ABCG2: variants seen among roughly 807,000 people sequenced by gnomAD.
The protein encoded by ABCG2 is ATP binding cassette subfamily G member 2 (JR blood group).
Under a neutral mutation model 73.5 loss-of-function variants are expected in ABCG2, and 80 were observed. The ratio of observed to expected loss-of-function variants is 1.09; its 90% CI spans 0.91 to 1.31. The LOEUF is 1.31. Among genes scored for constraint, ABCG2 ranks in the 50% most tolerant of loss-of-function variants. The probability of loss-of-function intolerance (pLI) is 0.00; values close to 1 mark genes in which losing one functional copy is unlikely to be tolerated. For missense variants in ABCG2, 796 were observed against 786.2 expected, an observed-to-expected ratio of 1.01 and a Z score of -0.15; for synonymous variants, 269 against 282.4, an observed-to-expected ratio of 0.95 and a Z score of 0.48.
chr4:88,116,417 A>G (rs1235793081), intron 7 of ABCG2, among the ~76,000 whole-genome samples: 59 of 152,156 alleles, frequency 3.9e-4, no homozygotes, highest in Admixed American at 3.9e-3. Flanking sequence ...ATTAAGAAAC[A>G]TGGCCAATGA....
chr4:88,152,053 C>G (rs1726529616), intron 1 of ABCG2, among the ~76,000 whole-genome samples: 1 of 152,140 alleles, frequency 6.6e-6, no homozygotes, highest in South Asian at 2.1e-4. Context: ...TGAATTCAAT[C>G]AACAGATACC....
intron 1 of ABCG2, among the ~76,000 whole-genome samples, chr4:88,186,522 T>C (rs949705185): frequency 1.3e-5 from 2 of 152,178 alleles, no homozygotes; most frequent in Non-Finnish European, 2.9e-5. Flanking sequence ...ATGCCTGTAA[T>C]GCCAGCAATA....
intron 1 of ABCG2, among the ~76,000 whole-genome samples, chr4:88,175,766 G>T (rs1024443410): frequency 6.6e-6 from 1 of 152,160 alleles, no homozygotes; most frequent in Non-Finnish European, 1.5e-5. Flanking sequence ...CATGTTCCAG[G>T]CTCATTTTTC....
intron 12 of ABCG2, among the ~76,000 whole-genome samples, chr4:88,097,965 T>G (rs568344306): frequency 1.3e-5 from 2 of 152,290 alleles, no homozygotes; most frequent in South Asian, 4.2e-4. Context: ...CATTGTGTGC[T>G]GTAACTTTGT....
At chr4:88,213,980 GC>G (rs1729702871) in intron 1 of ABCG2, among the ~76,000 whole-genome samples, 4 of 100,706 alleles carry the variant, frequency 4.0e-5, no homozygotes, top group East Asian at 2.5e-4. Flanking sequence ...ACCACGCCCG[GC>G]CTTTTTTTTT....
chr4:88,194,666 A>G (rs113611770), intron 1 of ABCG2, among the ~76,000 whole-genome samples: 1 of 151,412 alleles, frequency 6.6e-6, no homozygotes, highest in Non-Finnish European at 1.5e-5. Flanking sequence ...AAATAAATAA[A>G]TGTCTATTTT....
intron 5 of ABCG2, among the ~76,000 whole-genome samples, chr4:88,123,748 T>C (rs1228112521): frequency 6.6e-6 from 1 of 152,144 alleles, no homozygotes; most frequent in East Asian, 1.9e-4. Context: ...TTCTTCAGGA[T>C]ATTATCCAGA....
At chr4:88,096,970 A>T (rs1277032446) in intron 13 of ABCG2, among the ~76,000 whole-genome samples, 1 of 152,112 alleles carries the variant, frequency 6.6e-6, no homozygotes, top group East Asian at 1.9e-4. Flanking sequence ...ATCCAACCAA[A>T]CTATCTCTGC....
At chr4:88,214,752 G>A (rs1729743095) in intron 1 of ABCG2, among the ~76,000 whole-genome samples, 1 of 151,998 alleles carries the variant, frequency 6.6e-6, no homozygotes, top group Non-Finnish European at 1.5e-5. Context: ...CTGGACCAGA[G>A]GTACATGCCA....
intron 1 of ABCG2, among the ~76,000 whole-genome samples, chr4:88,176,667 T>C (rs13111149): frequency 0.23 from 29,926 of 132,956 alleles, 3,901 homozygotes; most frequent in African/African-American, 0.42. Flanking sequence ...TTTTTTTTTT[T>C]TTTTTTTGTA....
Position 88,115,284 on chromosome 4 carries a change from A to ATATATATATATATT in ABCG2, c.842-227_842-226insAATATATATATATA, listed in dbSNP as rs58774529. Among the ~76,000 whole-genome samples, 96 of 73,064 alleles carry ATATATATATATATT rather than the reference A, an allele frequency of 1.3e-3. 1 individual carries two copies. Among genetic ancestry groups the ATATATATATATATT allele is most frequent in the East Asian group, 2.5e-3 (3 of 1,182 alleles). The allele number at this position is 73,064 out of a possible 152,430, so 47.9% of individuals were successfully genotyped here. On this transcript the variant is annotated intron_variant, in intron 7 of 15. Coordinates refer to ENST00000237612, the MANE Select transcript of ABCG2 (RefSeq NM_004827.3). ...TATATATATATATATATATATATAT[A>ATATATATATATATT]ATTTATTTATTTATTTTGAGACAGG...
At chr4:88,173,218 T>C (rs1727827845) in intron 1 of ABCG2, among the ~76,000 whole-genome samples, 1 of 152,244 alleles carries the variant, frequency 6.6e-6, no homozygotes, top group Non-Finnish European at 1.5e-5. Context: ...CAAACCCCTA[T>C]GTATCAATCT....
chr4:88,199,909 G>T (rs1274439925), intron 1 of ABCG2, among the ~76,000 whole-genome samples: 1 of 152,214 alleles, frequency 6.6e-6, no homozygotes, highest in Non-Finnish European at 1.5e-5. Context: ...GGCTGAGGCG[G>T]GAGAATGGCG....
chr4:88,139,593 G>A (rs1457588359), intron 2 of ABCG2, among the ~76,000 whole-genome samples, 200 bp downstream of exon 2: 1 of 152,162 alleles, frequency 6.6e-6, no homozygotes, highest in African/African-American at 2.4e-5. Flanking sequence ...CAGTTACTTT[G>A]AGAGTCAAAC....
At chr4:88,148,716 T>C (rs1021727649) in intron 1 of ABCG2, among the ~76,000 whole-genome samples, 1 of 152,222 alleles carries the variant, frequency 6.6e-6, no homozygotes, top group Non-Finnish European at 1.5e-5. Context: ...TTTGGTTTTT[T>C]TAATCATGTT....
At chr4:88,218,020 A>G (rs1729879165) in intron 1 of ABCG2, among the ~76,000 whole-genome samples, 1 of 151,706 alleles carries the variant, frequency 6.6e-6, no homozygotes, top group African/African-American at 2.4e-5. Flanking sequence ...GAACCCAGGT[A>G]GAATGTTTCT....
At chr4:88,205,925 C>T (rs942949204) in intron 1 of ABCG2, among the ~76,000 whole-genome samples, 1 of 152,144 alleles carries the variant, frequency 6.6e-6, no homozygotes, top group Non-Finnish European at 1.5e-5. Context: ...TCATGATCCG[C>T]CTGCCTCGGC....
In ABCG2 at chr4:88,175,555, G is replaced by T. The variant is rs527502405; in HGVS notation, c.-19-35541C>A. Among the ~76,000 whole-genome samples the T allele has an allele frequency of 3.9e-5, 6 of 152,278 alleles. No individual in the cohort carries two copies. The South Asian group carries it at 1.2e-3, about 32-fold the overall frequency. On this transcript the variant is annotated intron_variant, in intron 1 of 15. Transcript: ENST00000515655. The stretch of plus-strand genomic sequence containing the variant: ...TTTTCCTTTGTTTTCAAAATAACAA[G>T]TGTGATTCTATATCACAATCCAAAG...
intron 15 of ABCG2, among the ~76,000 whole-genome samples, chr4:88,094,153 TG>T (rs1157363631): frequency 6.6e-6 from 1 of 152,212 alleles, no homozygotes; most frequent in Non-Finnish European, 1.5e-5. Context: ...GTCCGTGGGT[TG>T]GGCTCAGAAG....
Sources: gnomAD v4.1 joint callset for allele counts (sites outside exome capture counted in the v4.1 genomes callset) on GRCh38, gnomAD v4.1.1 for gene constraint, MANE v1.5 for transcripts, NCBI Gene and HGNC (gene_info 2026-07-23, HGNC 2026-07-21) for gene names.